SYN3: variants seen among roughly 807,000 people sequenced by gnomAD.
The protein encoded by SYN3 is synapsin-3.
In SYN3, 35 loss-of-function variants were observed where a neutral mutation model predicts 65.8. The ratio of observed to expected loss-of-function variants is 0.53; its 90% confidence interval spans 0.41 to 0.70. The LOEUF (loss-of-function observed/expected upper bound fraction) is 0.70. Among genes scored for constraint, SYN3 ranks in the 30% least tolerant of loss-of-function variants. The pLI is 0.00. For missense variants in SYN3, 680 were observed against 749.0 expected (o/e 0.91, Z 1.08); for synonymous variants, 270 against 292.9 (o/e 0.92, Z 0.80).
At chr22:33,043,824 G>T (rs1252709048) in intron 1 of SYN3, among the ~76,000 whole-genome samples, 1 of 152,140 alleles carries the variant, frequency 6.6e-6, no homozygotes, top group Non-Finnish European at 1.5e-5. Context: ...GGAGGCCGAG[G>T]CAGGCAGATC....
chr22:32,647,451 CTTTT>C (rs58987529), intron 6 of SYN3, among the ~76,000 whole-genome samples: 1 of 144,868 alleles, frequency 6.9e-6, no homozygotes, highest in Non-Finnish European at 1.5e-5. Flanking sequence ...TTTTCTTTTT[CTTTT>C]TTTTTTTTTG....
intron 7 of SYN3, among the ~76,000 whole-genome samples, chr22:32,590,873 T>C (rs541065473): frequency 1.3e-5 from 2 of 152,334 alleles, no homozygotes; most frequent in African/African-American, 4.8e-5. Flanking sequence ...CCAAGTGAAA[T>C]AAATTATGTG....
intron 6 of SYN3, among the ~76,000 whole-genome samples, chr22:32,679,557 T>G (rs774304501): frequency 6.6e-6 from 1 of 152,180 alleles, no homozygotes; most frequent in Non-Finnish European, 1.5e-5. Context: ...ACTTCCATAC[T>G]GTCTTCTGTA....
intron 4 of SYN3, among the ~76,000 whole-genome samples, chr22:32,888,393 A>G (rs1462148158): frequency 6.6e-6 from 1 of 152,042 alleles, no homozygotes. Flanking sequence ...TAGTGCCTAT[A>G]TATGTAACTT....
chr22:32,768,401 G>C (rs900657891), intron 6 of SYN3, among the ~76,000 whole-genome samples: 3 of 152,080 alleles, frequency 2.0e-5, no homozygotes, highest in Non-Finnish European at 4.4e-5. Flanking sequence ...TGTTTCCCAA[G>C]TTTATGCCCA....
intron 2 of SYN3, among the ~76,000 whole-genome samples, chr22:32,987,566 G>C (rs1339948773): frequency 1.3e-5 from 2 of 152,176 alleles, no homozygotes; most frequent in Non-Finnish European, 1.5e-5. Flanking sequence ...GAACTAGGAA[G>C]GGAAGGAATG....
chr22:32,594,556 C>T (rs184112238), intron 7 of SYN3, among the ~76,000 whole-genome samples: 246 of 151,560 alleles, frequency 1.6e-3, no homozygotes, highest in African/African-American at 5.5e-3. Context: ...GGCGTGATCT[C>T]GGCTAACCGC....
At chr22:32,737,083 A>G (rs1384571122) in intron 6 of SYN3, among the ~76,000 whole-genome samples, 2 of 152,238 alleles carry the variant, frequency 1.3e-5, no homozygotes, top group Non-Finnish European at 2.9e-5. Context: ...CAAAATGTTC[A>G]GTGACGGTGT....
intron 4 of SYN3, among the ~76,000 whole-genome samples, chr22:32,871,347 C>A (rs2048844452): frequency 6.6e-6 from 1 of 152,220 alleles, no homozygotes; most frequent in African/African-American, 2.4e-5. Context: ...CTCTCCAGGG[C>A]TTCCAAAACT....
intron 7 of SYN3, among the ~76,000 whole-genome samples, chr22:32,572,243 C>CTCCTTCCTTCCTTCCTTCCTT (rs796725900): frequency 1.8e-5 from 2 of 112,314 alleles, no homozygotes; most frequent in East Asian, 5.8e-4. Context: ...CAGATTCTGG[C>CTCCTTCCTTCCTTCCTTCCTT]TCCTTCCTTC....
At chr22:32,569,349 ATATC>A (rs1478660466) in intron 7 of SYN3, among the ~76,000 whole-genome samples, 4 of 151,232 alleles carry the variant, frequency 2.6e-5, no homozygotes, top group East Asian at 1.9e-4. Flanking sequence ...CATCCAAAAT[ATATC>A]TATCTATCCA....
At chr22:32,932,235 C>G (rs1210522889) in intron 3 of SYN3, among the ~76,000 whole-genome samples, 1 of 129,812 alleles carries the variant, frequency 7.7e-6, no homozygotes, top group South Asian at 3.0e-4. Flanking sequence ...GGACCCACCC[C>G]CCACCCTGGT....
At chr22:32,607,531 C>A (rs969148461) in intron 6 of SYN3, among the ~76,000 whole-genome samples, 2 of 152,116 alleles carry the variant, frequency 1.3e-5, no homozygotes, top group African/African-American at 2.4e-5. Context: ...GGTCTGTGGT[C>A]TCCCTGCCCA....
rs145481968 is a variant in SYN3 at position 32,818,227 on chromosome 22, T to C, written c.711+46688A>G. 5.7e-3 allele frequency among the ~76,000 whole-genome samples: 868 copies of C among 152,328 alleles called. 11 individuals are homozygous for C. Among genetic ancestry groups the C allele is most frequent in the African/African-American group, 0.018 (752 of 41,574 alleles). Reference sequence around the variant, plus strand: ...AAATTGGCTGATGGATATTTTGCAGTAGTCTACAGGATTTGACGTGGGATG... The same window carrying C: ...AAATTGGCTGATGGATATTTTGCAGCAGTCTACAGGATTTGACGTGGGATG... On this transcript the variant is annotated intron_variant, in intron 6 of 13. Transcript: ENST00000358763.
At chr22:32,803,229 G>A (rs906979591) in intron 6 of SYN3, among the ~76,000 whole-genome samples, 3 of 152,096 alleles carry the variant, frequency 2.0e-5, no homozygotes, top group Non-Finnish European at 4.4e-5. Flanking sequence ...TCGATTCAGA[G>A]GTGAAGAATG....
chr22:32,933,079 C>T lies in SYN3; in HGVS notation c.370-1598G>A, dbSNP rs144888919. ...AAGACCCTATCTCCAAATAAAGTCA[C>T]ATTCTACTGTGGGTTAGGACTTCAA... On this transcript the variant is annotated intron_variant, in intron 3 of 13. Coordinates refer to ENST00000358763, the MANE Select transcript of SYN3 (RefSeq NM_003490.4). Among the ~76,000 whole-genome samples, 694 of 152,310 alleles carry T rather than the reference C, an allele frequency of 4.6e-3. 5 individuals are homozygous for T. The highest frequency in any genetic ancestry group is 0.016 in the African/African-American group (668 of 41,568).
chr22:32,793,400 T>C (rs1385740290), intron 6 of SYN3, among the ~76,000 whole-genome samples: 1 of 152,222 alleles, frequency 6.6e-6, no homozygotes, highest in Admixed American at 6.5e-5. Flanking sequence ...TGTCTTACCA[T>C]AATCTGAGTT....
At chr22:32,849,175 G>A (rs906361826) in intron 6 of SYN3, among the ~76,000 whole-genome samples, 2 of 152,152 alleles carry the variant, frequency 1.3e-5, no homozygotes, top group African/African-American at 4.8e-5. Flanking sequence ...AAATCCTCAG[G>A]GTCGGCGGGG....
At chr22:32,814,305 G>GAC (rs1339963558) in intron 6 of SYN3, among the ~76,000 whole-genome samples, 5 of 4,554 alleles carry the variant, frequency 1.1e-3, no homozygotes, top group Middle Eastern at 0.17. Flanking sequence ...AGGAAGGAGA[G>GAC]AGAGAGAGAG....
Sources: gnomAD v4.1 joint callset for allele counts (sites outside exome capture counted in the v4.1 genomes callset) on GRCh38, gnomAD v4.1.1 for gene constraint, MANE v1.5 for transcripts, NCBI Gene and HGNC (gene_info 2026-07-23, HGNC 2026-07-21) for gene names.